SPTSSB: variants seen among roughly 807,000 people sequenced by gnomAD.
SPTSSB encodes androgen down regulated in mouse prostate.
A neutral mutation model predicts 7.7 loss-of-function variants in SPTSSB; 6 were observed. The observed-to-expected ratio is 0.78, with a 90% CI of 0.43 to 1.54. SPTSSB has a LOEUF of 1.54. SPTSSB is among the 40% of genes most tolerant of loss of function. The pLI is 0.01. For missense variants in SPTSSB, 91 were observed against 93.0 expected (o/e 0.98, Z 0.09); for synonymous variants, 28 against 29.7 (o/e 0.94, Z 0.19).
chr3:161,347,713 A>G (rs1340637532), intron 2 of SPTSSB, among the ~76,000 whole-genome samples: 5 of 152,034 alleles, frequency 3.3e-5, no homozygotes. Flanking sequence ...CTGTACTAAA[A>G]ATACAAAAAA....
chr3:161,346,505 A>T lies in SPTSSB; in HGVS notation c.-32-150T>A, dbSNP rs188843674. 1.4e-5 allele frequency: 6 copies of T among 427,648 alleles called. No individual in the cohort carries two copies. The Admixed American group carries it at 2.3e-4, about 16-fold the overall frequency. 26.5% of individuals were successfully genotyped at this position (427,648 alleles called of 1,614,324 possible). A position where few individuals can be genotyped will look rare whatever the true frequency, so the allele number is the denominator to read the frequency against. The stretch of plus-strand genomic sequence containing the variant: ...ATATGAATATTCTGTAAAATAATAC[A>T]TACTATATTAACTATAAAAATTAAT... On this transcript the variant is annotated intron_variant, in intron 2 of 2. Coordinates refer to ENST00000620149, the MANE Select transcript of SPTSSB (RefSeq NM_001040100.2).
chr3:161,361,969 T>C (rs907935676), intron 1 of SPTSSB, among the ~76,000 whole-genome samples: 5 of 152,154 alleles, frequency 3.3e-5, no homozygotes, highest in African/African-American at 1.2e-4. Flanking sequence ...AATTATAACC[T>C]GATTTTCCTG....
At chr3:161,358,295 G>A (rs183267293) in intron 2 of SPTSSB, among the ~76,000 whole-genome samples, 1 of 152,210 alleles carries the variant, frequency 6.6e-6, no homozygotes, top group Admixed American at 6.5e-5. Context: ...GGCCATGTGG[G>A]GAGCTGGGTG....
At chr3:161,350,605 G>A (rs1465197138) in intron 2 of SPTSSB, among the ~76,000 whole-genome samples, 1 of 152,090 alleles carries the variant, frequency 6.6e-6, no homozygotes, top group African/African-American at 2.4e-5. Context: ...GAGAGATGCT[G>A]TATCTAAAAA....
intron 2 of SPTSSB, among the ~76,000 whole-genome samples, chr3:161,351,935 A>G (rs1435917008): frequency 1.3e-5 from 2 of 152,208 alleles, no homozygotes; most frequent in Non-Finnish European, 2.9e-5. Context: ...CTAGTGTTTA[A>G]TAGCCACATG....
rs537412526 is a variant in SPTSSB at position 161,362,909 on chromosome 3, G to A, written c.-125-3015C>T. 1.4e-4 allele frequency among the ~76,000 whole-genome samples: 22 copies of A among 151,896 alleles called. 2 individuals are homozygous for A. In the South Asian group the frequency reaches 4.2e-3, roughly 29 times the overall value. On this transcript the variant is annotated intron_variant, in intron 1 of 2. Coordinates refer to ENST00000620149, the MANE Select transcript of SPTSSB (RefSeq NM_001040100.2). Reference sequence around the variant, plus strand: ...TGTTGCAGCTTTATACAATATGATAGTAATAATAATACGTACAAATGTATG... The same window carrying A: ...TGTTGCAGCTTTATACAATATGATAATAATAATAATACGTACAAATGTATG...
chr3:161,350,142 G>T (rs1714458248), intron 2 of SPTSSB, among the ~76,000 whole-genome samples: 1 of 152,160 alleles, frequency 6.6e-6, no homozygotes, highest in African/African-American at 2.4e-5. Flanking sequence ...TATTGGCTGG[G>T]CTTGCTCAGG....
At chr3:161,369,220 A>C (rs1287498475) in intron 1 of SPTSSB, among the ~76,000 whole-genome samples, 2 of 151,684 alleles carry the variant, frequency 1.3e-5, no homozygotes, top group Non-Finnish European at 2.9e-5. Flanking sequence ...TTTTCTCTAC[A>C]TCTTCTCTAA....
At position 161,346,288 on chromosome 3, in the gene SPTSSB, C is replaced by T; in HGVS notation, c.36G>A (p.Trp12Ter). ...TAATGATTTGGTATTGATAGTAGAGCCAGGAGAAATATTCCTTCACACGCC... is the reference window on the plus strand; with the variant it reads ...TAATGATTTGGTATTGATAGTAGAGTCAGGAGAAATATTCCTTCACACGCC... Reference protein sequence around the residue: ...DLRRVKEYFSWLYYQYQIISC... With the variant: ...DLRRVKEYFS The change falls in exon 3 of 3, where the codon TGG becomes TGA. Residue 12 changes from tryptophan (W) to a stop codon, truncating the protein, a stop_gained. Transcript: ENST00000620149. LOFTEE classifies it high-confidence loss of function. The T allele has an allele frequency of 6.2e-7, 1 of 1,613,650 alleles. No homozygotes were observed. Among genetic ancestry groups the T allele is most frequent in the African/African-American group, 1.3e-5 (1 of 75,004 alleles).
At chr3:161,355,718 G>A in intron 2 of SPTSSB, among the ~76,000 whole-genome samples, 1 of 152,164 alleles carries the variant, frequency 6.6e-6, no homozygotes, top group African/African-American at 2.4e-5. Flanking sequence ...AATGGGTATA[G>A]AGTTTCAGTT....
chr3:161,355,810 G>A (rs1714746801), intron 2 of SPTSSB, among the ~76,000 whole-genome samples: 1 of 152,130 alleles, frequency 6.6e-6, no homozygotes, highest in African/African-American at 2.4e-5. Context: ...TCTTAAAAAT[G>A]ACTAAGATGT....
chr3:161,353,509 A>G (rs1486981653), intron 2 of SPTSSB, among the ~76,000 whole-genome samples: 1 of 151,948 alleles, frequency 6.6e-6, no homozygotes, highest in Non-Finnish European at 1.5e-5. Flanking sequence ...CCTGTAAACA[A>G]ATGGCGAAAT....
intron 2 of SPTSSB, among the ~76,000 whole-genome samples, chr3:161,357,535 A>G (rs375292463): frequency 2.6e-5 from 4 of 152,230 alleles, no homozygotes; most frequent in African/African-American, 9.6e-5. Context: ...ACATAAAAAT[A>G]CTTATATTGG....
chr3:161,368,512 C>A (rs552938521), intron 1 of SPTSSB, among the ~76,000 whole-genome samples: 7 of 151,060 alleles, frequency 4.6e-5, no homozygotes, highest in Non-Finnish European at 1.0e-4. Context: ...CTGCAAGCTC[C>A]GCCTCCCGGG....
chr3:161,359,829 G>A lies in SPTSSB; in HGVS notation c.-60C>T, dbSNP rs1424787408. On this transcript the variant is annotated 5_prime_UTR_variant, in exon 2 of 3. Transcript: ENST00000620149. ...AAGAAAGTCCAGGTCTGGTTCTTCA[G>A]CCTTGCTCCTTCACGAAATGATCCT... 2.0e-6 allele frequency: 2 copies of A among 983,684 alleles called. No homozygotes were observed. The highest frequency in any genetic ancestry group is 2.4e-6 in the Non-Finnish European group (2 of 828,450). 60.9% of individuals were successfully genotyped at this position (983,684 alleles called of 1,614,324 possible).
At chr3:161,354,030 A>G (rs1420063081) in intron 2 of SPTSSB, among the ~76,000 whole-genome samples, 2 of 152,216 alleles carry the variant, frequency 1.3e-5, no homozygotes, top group East Asian at 1.9e-4. Context: ...TTTATGATGA[A>G]TCAAAGGTAG....
intron 1 of SPTSSB, among the ~76,000 whole-genome samples, chr3:161,370,966 A>T (rs1289337061): frequency 6.6e-6 from 1 of 152,248 alleles, no homozygotes; most frequent in Non-Finnish European, 1.5e-5. Context: ...GTTAAAATGT[A>T]TTCCTTGTTG....
chr3:161,365,874 C>T (rs1325709549), intron 1 of SPTSSB, among the ~76,000 whole-genome samples: 3 of 152,172 alleles, frequency 2.0e-5, no homozygotes, highest in Non-Finnish European at 4.4e-5. Context: ...CCTCAGGTCT[C>T]CTTTAAACCA....
chr3:161,357,956 C>G (rs1576898941), intron 2 of SPTSSB, among the ~76,000 whole-genome samples: 1 of 151,560 alleles, frequency 6.6e-6, no homozygotes, highest in South Asian at 2.1e-4. Context: ...TGATTTGTTA[C>G]AAGAGCCCTA....
Sources: gnomAD v4.1 joint callset for allele counts (sites outside exome capture counted in the v4.1 genomes callset) on GRCh38, gnomAD v4.1.1 for gene constraint, MANE v1.5 for transcripts, NCBI Gene and HGNC (gene_info 2026-07-23, HGNC 2026-07-21) for gene names.